The following CBLN1 variants were observed in gnomAD, a reference collection of about 807,000 sequenced individuals.
CBLN1 encodes the protein cerebellin-1.
CBLN1 carries 5 observed loss-of-function variants against 15.9 expected under a neutral mutation model. That is an observed-to-expected ratio of 0.31 (90% confidence interval 0.16 to 0.66). The LOEUF is 0.66. Among genes scored for constraint, CBLN1 ranks in the 30% least tolerant of loss-of-function variants. The pLI is 0.75. For synonymous variants in CBLN1, 90 were observed against 107.6 expected, an observed-to-expected ratio of 0.84 and a Z score of 1.01; for missense variants, 164 against 253.7, an observed-to-expected ratio of 0.65 and a Z score of 2.40.
rs1383552972 is a variant in CBLN1 at position 49,281,537 on chromosome 16, C to T, written c.-72G>A. 6 of 1,117,664 alleles carry T rather than the reference C, an allele frequency of 5.4e-6. No homozygotes were observed. In the East Asian group the frequency reaches 1.6e-4, roughly 30 times the overall value. 69.2% of individuals were successfully genotyped at this position (1,117,664 alleles called of 1,614,324 possible). A position where few individuals can be genotyped will look rare whatever the true frequency, so the allele number is the denominator to read the frequency against. ...GCCAGCCGCCCCCCCCGTCCCAGTC[C>T]CGCTCCGAAGCCCCCTCCTCAGCTC... On this transcript the variant is annotated 5_prime_UTR_variant, in exon 1 of 3. Coordinates refer to ENST00000219197, the MANE Select transcript of CBLN1 (RefSeq NM_004352.4).
At chr16:49,279,632 G>A (rs1333953592) in intron 2 of CBLN1, 31 bp from the exon 3 acceptor site, 1 of 1,601,070 alleles carries the variant, frequency 6.2e-7, no homozygotes, top group Non-Finnish European at 8.5e-7. Flanking sequence ...CTTCAGAGGC[G>A]CAACCTAGGC....
At position 49,281,407 on chromosome 16, in the gene CBLN1, C is replaced by T. The variant is rs1439038358; in HGVS notation, c.59G>A (p.Arg20His). ...LGAAWLAGPA[R>H]GQNETEPIVL... ...GATGGGCTCCGTCTCATTCTGCCCG[C>T]GGGCCGGGCCCGCCAGCCACGCAGC... is the stretch of plus-strand genomic sequence containing the variant. The change falls in exon 1 of 3, where the codon CGC (arginine) becomes CAC (histidine). Residue 20 changes from arginine to histidine, a missense_variant. This residue lies in a region of CBLN1 where 127 missense variants were observed against 179.7 expected (regional missense o/e 0.71). Coordinates refer to ENST00000219197, the MANE Select transcript of CBLN1 (RefSeq NM_004352.4). 10 of 1,599,300 alleles carry T rather than the reference C, an allele frequency of 6.3e-6. No individual in the cohort carries two copies. Among genetic ancestry groups the T allele is most frequent in the African/African-American group, 2.7e-5 (2 of 74,864 alleles).
intron 2 of CBLN1, 47 bp from the exon 3 acceptor site, chr16:49,279,648 C>T (rs760601519): frequency 1.3e-6 from 2 of 1,591,398 alleles, no homozygotes. Context: ...TAGGCAGGCA[C>T]CGAAGCCGCG....
rs1422082103 is a variant in CBLN1, at chr16:49,279,495, C to T, written c.491G>A (p.Gly164Asp). ...SNGVLIQMEK[G>D]DRAYLKLERG... is the part of the protein sequence containing the mutation. ...CTCCAGCTTGAGGTATGCTCGGTCG[C>T]CTTTCTCCATTTGGATTAGGACTCC... The change falls in exon 3 of 3, where the codon GGC becomes GAC. Residue 164 changes from glycine to aspartate, a missense_variant. This residue lies in a region of CBLN1 where 29 missense variants were observed against 38.0 expected (regional missense o/e 0.76). Transcript: ENST00000219197. 1.2e-6 allele frequency: 2 copies of T among 1,614,194 alleles called. No homozygotes were observed. The highest frequency in any genetic ancestry group is 1.1e-5 in the South Asian group (1 of 91,084).
rs1377848785 is a variant in CBLN1, at chr16:49,281,579, G to T, written c.-114C>A. 6.2e-6 allele frequency: 4 copies of T among 641,978 alleles called. No individual in the cohort carries two copies. The highest frequency in any genetic ancestry group is 9.1e-6 in the Non-Finnish European group (4 of 438,598). The allele number at this position is 641,978 out of a possible 1,614,324, so 39.8% of individuals were successfully genotyped here. On this transcript the variant is annotated 5_prime_UTR_variant, in exon 1 of 3. Coordinates refer to ENST00000219197, the MANE Select transcript of CBLN1 (RefSeq NM_004352.4). The stretch of plus-strand genomic sequence containing the variant: ...CCTCAGCTCCGTGCGCAGCTCCGCC[G>T]CCGCCGCTCTGGACACTACACCTCT...
Position 49,279,290 on chromosome 16 carries a change from A to C in CBLN1, c.*114T>G. 1.1e-6 allele frequency: 1 copy of C among 917,028 alleles called. No individual in the cohort carries two copies. The highest frequency in any genetic ancestry group is 1.7e-6 in the Non-Finnish European group (1 of 583,514). The allele number at this position is 917,028 out of a possible 1,614,324, so 56.8% of individuals were successfully genotyped here. On this transcript the variant is annotated 3_prime_UTR_variant, in exon 3 of 3. Coordinates refer to ENST00000219197, the MANE Select transcript of CBLN1 (RefSeq NM_004352.4). Reference sequence around the variant, plus strand: ...CCTTTTTACCCAGATACAGTTAGAGAACATGTAGGAAGTTTCAAGTCGTGC... The same window carrying C: ...CCTTTTTACCCAGATACAGTTAGAGCACATGTAGGAAGTTTCAAGTCGTGC...
rs748321270 is a variant in CBLN1 at position 49,281,190 on chromosome 16, A to T, written c.264+12T>A. On this transcript the variant is annotated intron_variant, in intron 1 of 2. Coordinates refer to ENST00000219197, the MANE Select transcript of CBLN1 (RefSeq NM_004352.4). ...GCCCAATCTGCACGCCGCGGGAGGA[A>T]GGAACACTCACCTGGTCGAAGTAGA... 6.2e-7 allele frequency: 1 copy of T among 1,614,168 alleles called. No individual in the cohort carries two copies. The highest frequency in any genetic ancestry group is 1.7e-5 in the Admixed American group (1 of 60,036).
chr16:49,280,904 G>C lies in CBLN1; in HGVS notation c.384+19C>G. ...AACCCCCCTACGGGGCCAGGGCCCGGCACGAGGCGTCGGCTGACCTGTATG... is the reference window on the plus strand; with the variant it reads ...AACCCCCCTACGGGGCCAGGGCCCGCCACGAGGCGTCGGCTGACCTGTATG... On this transcript the variant is annotated intron_variant, in intron 2 of 2. Transcript: ENST00000219197. 6.2e-7 allele frequency: 1 copy of C among 1,614,068 alleles called. No homozygotes were observed. Among genetic ancestry groups the C allele is most frequent in the Non-Finnish European group, 8.5e-7 (1 of 1,179,952 alleles).
rs1370234729 is a variant in CBLN1, at chr16:49,278,006, A to C, written c.*1398T>G. The C allele has an allele frequency of 2.0e-5, 3 of 152,232 alleles. No individual in the cohort carries two copies. The highest frequency in any genetic ancestry group is 2.0e-4 in the Admixed American group (3 of 15,272). The allele number at this position is 152,232 out of a possible 1,614,324, so 9.4% of individuals were successfully genotyped here. A position where few individuals can be genotyped will look rare whatever the true frequency, so the allele number is the denominator to read the frequency against. On this transcript the variant is annotated 3_prime_UTR_variant, in exon 3 of 3. Coordinates refer to ENST00000219197, the MANE Select transcript of CBLN1 (RefSeq NM_004352.4). ...AAACTCCTGGACGAACCTCTTGAAT[A>C]AAGTCCTGTGAATGAGCGGAATCAT...
chr16:49,280,901 C>T (rs374239115), intron 2 of CBLN1, 22 bp downstream of exon 2: 2 of 1,614,014 alleles, frequency 1.2e-6, no homozygotes, highest in African/African-American at 2.7e-5. Context: ...GGGCCAGGGC[C>T]CGGCACGAGG....
Position 49,281,744 on chromosome 16 carries a change from T to C in CBLN1, c.-279A>G, listed in dbSNP as rs1963310457. 3.4e-6 allele frequency: 1 copy of C among 298,170 alleles called. No homozygotes were observed. The highest frequency in any genetic ancestry group is 5.7e-5 in the East Asian group (1 of 17,554). The allele number at this position is 298,170 out of a possible 1,614,324, so 18.5% of individuals were successfully genotyped here. On this transcript the variant is annotated 5_prime_UTR_variant, in exon 1 of 3. Transcript: ENST00000219197. Reference sequence around the variant, plus strand: ...CATAGCCGCTGCTGCTCGGTCCCGCTGCTGCCGCCGCCTCCTGCCCGCACC... The same window carrying C: ...CATAGCCGCTGCTGCTCGGTCCCGCCGCTGCCGCCGCCTCCTGCCCGCACC...
At position 49,279,299 on chromosome 16, in the gene CBLN1, G is replaced by C. The variant is rs1187063702; in HGVS notation, c.*105C>G. The C allele has an allele frequency of 9.9e-7, 1 of 1,012,842 alleles. No homozygotes were observed. The highest frequency in any genetic ancestry group is 1.5e-6 in the Non-Finnish European group (1 of 661,356). The allele number at this position is 1,012,842 out of a possible 1,614,324, so 62.7% of individuals were successfully genotyped here. A position where few individuals can be genotyped will look rare whatever the true frequency, so the allele number is the denominator to read the frequency against. ...CCAGATACAGTTAGAGAACATGTAGGAAGTTTCAAGTCGTGCTGCTTTCTC... is the reference window on the plus strand; with the variant it reads ...CCAGATACAGTTAGAGAACATGTAGCAAGTTTCAAGTCGTGCTGCTTTCTC... On this transcript the variant is annotated 3_prime_UTR_variant, in exon 3 of 3. Transcript: ENST00000219197.
At chr16:49,279,726 T>TG (rs111507068) in intron 2 of CBLN1, 125 bp from the exon 3 acceptor site, 11,365 of 221,838 alleles carry the variant, frequency 0.051, 266 homozygotes, top group African/African-American at 0.13. Flanking sequence ...AGGTGGGGGG[T>TG]GGGGGGGGCG....
Position 49,279,620 on chromosome 16 carries a change from C to G in CBLN1, c.385-19G>C. The G allele has an allele frequency of 6.2e-7, 1 of 1,611,446 alleles. No individual in the cohort carries two copies. Among genetic ancestry groups the G allele is most frequent in the East Asian group, 2.2e-5 (1 of 44,796 alleles). ...GGCTCACCTGAGAAAGAGAAAGGCC[C>G]GCTTCAGAGGCGCAACCTAGGCAGG... On this transcript the variant is annotated intron_variant, in intron 2 of 2. Transcript: ENST00000219197.
chr16:49,279,626 A>G (rs747764462), intron 2 of CBLN1, 25 bp from the exon 3 acceptor site: 3 of 1,593,116 alleles, frequency 1.9e-6, no homozygotes, highest in Non-Finnish European at 2.6e-6. Context: ...GGCCCGCTTC[A>G]GAGGCGCAAC....
At position 49,281,557 on chromosome 16, in the gene CBLN1, C is replaced by G; in HGVS notation, c.-92G>C. ...CAGTCCCGCTCCGAAGCCCCCTCCT[C>G]AGCTCCGTGCGCAGCTCCGCCGCCG... On this transcript the variant is annotated 5_prime_UTR_variant, in exon 1 of 3. Transcript: ENST00000219197. 1.1e-6 allele frequency: 1 copy of G among 873,426 alleles called. No homozygotes were observed. The allele number at this position is 873,426 out of a possible 1,614,324, so 54.1% of individuals were successfully genotyped here. A position where few individuals can be genotyped will look rare whatever the true frequency, so the allele number is the denominator to read the frequency against.
chr16:49,280,870 G>A, intron 2 of CBLN1, 53 bp downstream of exon 2: 1 of 1,611,652 alleles, frequency 6.2e-7, no homozygotes, highest in South Asian at 1.1e-5. Flanking sequence ...GAGCACCCCT[G>A]AGGCCAGTAA....
At position 49,281,376 on chromosome 16, in the gene CBLN1, C is replaced by T; in HGVS notation, c.90G>A (p.Leu30=). 1 of 1,609,184 alleles carries T rather than the reference C, an allele frequency of 6.2e-7. No individual in the cohort carries two copies. Residue 30 remains leucine (L), a synonymous_variant, in exon 1 of 3, where the codon CTG becomes CTA. Coordinates refer to ENST00000219197, the MANE Select transcript of CBLN1 (RefSeq NM_004352.4). ...CGCACACCACCAGGCACTTGCCCTC[C>T]AGCACGATGGGCTCCGTCTCATTCT... is the stretch of plus-strand genomic sequence containing the variant. ...RGQNETEPIV[L]EGKCLVVCDS...
In CBLN1 at chr16:49,280,969, C is replaced by T; in HGVS notation, c.338G>A (p.Ser113Asn). Residue 113 changes from serine (S) to asparagine (N), a missense_variant, in exon 2 of 3, where the codon AGT (serine) becomes AAT (asparagine). By Grantham distance (46) the Ser-to-Asn change is conservative. Transcript: ENST00000219197. ...GACTTTTACCACGTGGAAGTTAAAA[C>T]TGTAGATCCCTTTGCGCGGGGCGAT... The part of the protein sequence containing the change: ...TFIAPRKGIY[S>N]FNFHVVKVYN... 1 of 1,614,252 alleles carries T rather than the reference C, an allele frequency of 6.2e-7. No individual in the cohort carries two copies. Among genetic ancestry groups the T allele is most frequent in the Middle Eastern group, 1.6e-4 (1 of 6,062 alleles).
Sources: allele counts gnomAD v4.1 joint callset, GRCh38; gene constraint gnomAD v4.1.1; regional missense constraint gnomAD v4.1.1; transcripts MANE v1.5; gene names NCBI Gene and HGNC (gene_info 2026-07-23, HGNC 2026-07-21).